Variants in MYH7B observed in about 807,000 individuals in gnomAD.
The protein encoded by MYH7B is myosin-7B.
Under a neutral mutation model 234.5 loss-of-function variants are expected in MYH7B, and 205 were observed. The observed-to-expected ratio is 0.87, with a 90% CI of 0.78 to 0.98. MYH7B has a LOEUF of 0.98. Ranked by LOEUF, MYH7B falls within the 50% of genes least tolerant of loss-of-function variation. The probability of loss-of-function intolerance (pLI) is 0.00; values close to 1 mark genes in which losing one functional copy is unlikely to be tolerated. For missense variants in MYH7B, 2,652 were observed against 2,633.4 expected, an observed-to-expected ratio of 1.01 and a Z score of -0.15; for synonymous variants, 1,193 against 1,105.0, an observed-to-expected ratio of 1.08 and a Z score of -1.58.
chr20:34,963,891 A>G (rs1425445445), intron 2 of MYH7B, among the ~76,000 whole-genome samples: 1 of 151,892 alleles, frequency 6.6e-6, no homozygotes, highest in East Asian at 1.9e-4. Context: ...TTTCTCTTTC[A>G]GTGTTATATC....
chr20:35,000,264 C>CCT, intron 38 of MYH7B, 29 bp from the exon 39 acceptor site: 1 of 1,541,948 alleles, frequency 6.5e-7, no homozygotes, highest in East Asian at 2.2e-5. Flanking sequence ...CCTTACGAGA[C>CCT]CCCCTTTCAT....
intron 1 of MYH7B, among the ~76,000 whole-genome samples, 169 bp from the exon 2 acceptor site, chr20:34,957,929 G>C (rs539025545): frequency 6.6e-6 from 1 of 152,344 alleles, no homozygotes; most frequent in African/African-American, 2.4e-5. Flanking sequence ...AATGTTTCCT[G>C]ATGTCCTTTC....
chr20:34,977,486 T>C (rs1337507507), intron 3 of MYH7B, 146 bp from the exon 4 acceptor site: 13 of 714,852 alleles, frequency 1.8e-5, no homozygotes, highest in African/African-American at 3.5e-5. Flanking sequence ...GCCTTTGTGA[T>C]CCCCTGACAA....
intron 24 of MYH7B, among the ~76,000 whole-genome samples, chr20:34,992,252 G>A (rs1165808801): frequency 1.3e-5 from 2 of 151,990 alleles, no homozygotes; most frequent in Admixed American, 6.6e-5. Context: ...CGGGCGTGGT[G>A]GCGGGAGCCT....
At chr20:34,993,432 C>A (rs2082194958) in exon 26 of MYH7B, 2 of 1,610,930 alleles carry the variant, frequency 1.2e-6, no homozygotes, top group Non-Finnish European at 1.7e-6. Context: ...GCCGTGGCCG[C>A]CTCATGCGCC....
At chr20:34,994,392 G>C (rs1188838559) in exon 27 of MYH7B, 13 of 1,577,816 alleles carry the variant, frequency 8.2e-6, no homozygotes, top group Non-Finnish European at 1.0e-5. Context: ...TGGCCCTGCA[G>C]CTGCAGGCTG....
In MYH7B at chr20:34,986,341, T is replaced by C. The variant is rs1165037607; in HGVS notation, c.904+143T>C. ...GGCCTCTCTTCCTTCTTGGGACTTT[T>C]GGTTACTTTCCTGCTAGGGAACAGT... is the stretch of plus-strand genomic sequence containing the variant. On this transcript the variant is annotated intron_variant, in intron 14 of 44. Transcript: ENST00000262873. 71 of 668,750 alleles carry C rather than the reference T, an allele frequency of 1.1e-4. No individual in the cohort carries two copies. The East Asian group carries it at 1.9e-3, about 18-fold the overall frequency. 41.4% of individuals were successfully genotyped at this position (668,750 alleles called of 1,614,324 possible).
chr20:34,999,087 G>C lies in MYH7B; in HGVS notation c.4222G>C (p.Glu1408Gln), dbSNP rs777778029. The stretch of plus-strand genomic sequence containing the variant: ...GCTGGCACTGCGGCTGCAGGAGGCA[G>C]AGGAGGGCGTGGAGGCTGCCAACGC... Residue 1408 changes from glutamate (E) to glutamine (Q), a missense_variant, in exon 36 of 45, where the codon GAG becomes CAG. Transcript: ENST00000262873. 3.1e-6 allele frequency: 5 copies of C among 1,612,798 alleles called. No individual in the cohort carries two copies. In the South Asian group the frequency reaches 5.5e-5, roughly 18 times the overall value.
intron 3 of MYH7B, among the ~76,000 whole-genome samples, chr20:34,976,135 C>T (rs1380951882): frequency 1.3e-5 from 2 of 152,206 alleles, no homozygotes; most frequent in East Asian, 1.9e-4. Flanking sequence ...CTCTACTCAG[C>T]GTATAGAGCA....
At chr20:34,964,809 A>G (rs6119548) in intron 2 of MYH7B, among the ~76,000 whole-genome samples, 28,934 of 152,152 alleles carry the variant, frequency 0.19, 2,834 homozygotes, top group Middle Eastern at 0.33. Flanking sequence ...ATGAGAGGTC[A>G]CAGTGGCCTA....
chr20:34,977,568 C>T, intron 3 of MYH7B, 64 bp from the exon 4 acceptor site: 2 of 1,509,386 alleles, frequency 1.3e-6, no homozygotes, highest in Non-Finnish European at 1.8e-6. Flanking sequence ...GTCCTGTGGC[C>T]AGGCTGGGGG....
In MYH7B at chr20:34,994,283, C is replaced by T. The variant is rs762622831; in HGVS notation, c.2582C>T (p.Ala861Val). 57 of 1,612,470 alleles carry T rather than the reference C, an allele frequency of 3.5e-5. No individual in the cohort carries two copies. The Admixed American group carries it at 9.2e-4, about 26-fold the overall frequency. The stretch of plus-strand genomic sequence containing the variant: ...GAGGAGGAGCTGGCGGCCCTGCGGG[C>T]AGAGCTGCGGGGGTTGCGAGGGGCG... Residue 861 changes from alanine to valine, a missense_variant, in exon 27 of 45, where the codon GCA (alanine) becomes GTA (valine). Around this residue, in one of 3 missense-constraint regions of MYH7B, gnomAD observed 2,279 missense variants for 2,211.4 expected, o/e 1.03. Transcript: ENST00000262873.
chr20:34,997,076 C>T lies in MYH7B; in HGVS notation c.3267-7C>T, dbSNP rs994317469. The stretch of plus-strand genomic sequence containing the variant: ...CCTGTGCTGGCCACCCACTCTGTGG[C>T]TCCCAGGAAGGACTCCGAGCTGAGC... On this transcript the variant is annotated splice_polypyrimidine_tract_variant and splice_region_variant and intron_variant, in intron 30 of 44. Transcript: ENST00000262873. 4.5e-6 allele frequency: 7 copies of T among 1,548,052 alleles called. No homozygotes were observed. Among genetic ancestry groups the T allele is most frequent in the Middle Eastern group, 2.3e-4 (1 of 4,430 alleles).
Position 34,990,730 on chromosome 20 carries a change from A to C in MYH7B, c.1978-8A>C, listed in dbSNP as rs1156455182. 6.2e-7 allele frequency: 1 copy of C among 1,613,864 alleles called. No homozygotes were observed. The highest frequency in any genetic ancestry group is 8.5e-7 in the Non-Finnish European group (1 of 1,179,872). On this transcript the variant is annotated splice_polypyrimidine_tract_variant and splice_region_variant and intron_variant, in intron 22 of 44. Coordinates refer to ENST00000262873, the Ensembl canonical transcript of MYH7B. ...TTGTGCCTTTCCCTCACTCTTCCCC[A>C]CTGCCAGGAGAACCTCAACAAGCTG...
At chr20:34,961,546 T>A (rs2081697934) in intron 2 of MYH7B, among the ~76,000 whole-genome samples, 1 of 152,216 alleles carries the variant, frequency 6.6e-6, no homozygotes, top group Admixed American at 6.5e-5. Flanking sequence ...ATTCAGTGGT[T>A]CTTGGTATAT....
exon 39 of MYH7B, chr20:35,000,604 C>A: frequency 1.9e-6 from 3 of 1,571,110 alleles, no homozygotes; most frequent in Non-Finnish European, 2.6e-6. Flanking sequence ...CTGCGGGCTG[C>A]CCTGGAGCAG....
chr20:35,001,521 G>A (rs753811418), exon 43 of MYH7B: 2 of 1,607,030 alleles, frequency 1.2e-6, no homozygotes, highest in Non-Finnish European at 1.7e-6. Flanking sequence ...CCAGTTTGAG[G>A]AGGCGGTGAG....
intron 2 of MYH7B, among the ~76,000 whole-genome samples, chr20:34,964,006 T>G (rs185813895): frequency 1.3e-5 from 2 of 152,334 alleles, no homozygotes; most frequent in East Asian, 3.9e-4. Flanking sequence ...TATGAGAGTT[T>G]TGTTTATTCT....
intron 43 of MYH7B, 33 bp downstream of exon 43, chr20:35,001,559 G>T (rs1390669288): frequency 2.6e-6 from 4 of 1,562,800 alleles, no homozygotes; most frequent in Non-Finnish European, 3.5e-6. Context: ...ACCTGGACCG[G>T]GCACCCCAGC....
Sources: allele counts gnomAD v4.1 joint callset (sites outside exome capture counted in the v4.1 genomes callset), GRCh38; gene constraint gnomAD v4.1.1; regional missense constraint gnomAD v4.1.1; transcripts MANE v1.5; gene names NCBI Gene and HGNC (gene_info 2026-07-23, HGNC 2026-07-21).